The following KDM4B variants were observed in gnomAD, a reference collection of about 807,000 sequenced individuals.
KDM4B encodes the protein lysine demethylase 4B, also known as lysine-specific demethylase 4B.
A neutral mutation model predicts 125.2 loss-of-function variants in KDM4B; 32 were observed. The observed-to-expected ratio is 0.26, with a 90% CI of 0.19 to 0.34. The LOEUF (loss-of-function observed/expected upper bound fraction) is 0.34, where lower values mean the gene tolerates loss of function less well. KDM4B is among the 10% of genes least tolerant of loss of function. KDM4B has a pLI of 1.00. For missense variants in KDM4B, 1,190 were observed against 1,577.7 expected, an observed-to-expected ratio of 0.75 and a Z score of 4.16; for synonymous variants, 721 against 677.9, an observed-to-expected ratio of 1.06 and a Z score of -0.99.
At chr19:5,099,301 C>T (rs2038886728) in intron 9 of KDM4B, among the ~76,000 whole-genome samples, 1 of 152,172 alleles carries the variant, frequency 6.6e-6, no homozygotes, top group Admixed American at 6.5e-5. Flanking sequence ...AACGAGAAGC[C>T]ATGTCTGTGT....
At chr19:5,036,837 TC>T (rs1284559581) in intron 3 of KDM4B, among the ~76,000 whole-genome samples, 1 of 152,250 alleles carries the variant, frequency 6.6e-6, no homozygotes, top group African/African-American at 2.4e-5. Context: ...TCTGTCCTCT[TC>T]CGCCCTGCGG....
chr19:4,970,692 C>T (rs1433501138), intron 1 of KDM4B, among the ~76,000 whole-genome samples: 1 of 145,312 alleles, frequency 6.9e-6, no homozygotes, highest in Admixed American at 6.9e-5. Context: ...TTATGAGCCA[C>T]CAGGAGGGTT....
chr19:4,976,498 G>A (rs778663179), intron 1 of KDM4B, among the ~76,000 whole-genome samples: 3 of 152,226 alleles, frequency 2.0e-5, no homozygotes, highest in African/African-American at 2.4e-5. Context: ...CCGTGTACTC[G>A]GCCCAAGGAG....
Position 5,151,447 on chromosome 19 carries a change from A to AG in KDM4B, c.3229dup (p.Asp1077GlyfsTer46). 1 of 1,547,160 alleles carries AG rather than the reference A, an allele frequency of 6.5e-7. No homozygotes were observed. The highest frequency in any genetic ancestry group is 8.7e-7 in the Non-Finnish European group (1 of 1,148,746). On this transcript the variant is annotated frameshift_variant, in exon 23 of 23. Transcript: ENST00000159111. LOFTEE classifies it high-confidence loss of function. ...GCCACGGAGGACTCCGGGCGGAGCC[A>AG]GGACTACGTGGCCTTCGTGGAGAGC...
intron 2 of KDM4B, among the ~76,000 whole-genome samples, chr19:5,031,716 A>C (rs966345031): frequency 1.4e-4 from 22 of 152,130 alleles, no homozygotes; most frequent in Admixed American, 1.4e-3. Flanking sequence ...AGGGTTCTGG[A>C]CACCAGTGCA....
intron 1 of KDM4B, among the ~76,000 whole-genome samples, chr19:5,008,693 C>G (rs150677664): frequency 1.3e-5 from 2 of 149,888 alleles, no homozygotes; most frequent in Non-Finnish European, 3.0e-5. Flanking sequence ...TGGGTTCAAG[C>G]GATTCTCCTG....
chr19:5,079,758 G>A (rs904199502), intron 8 of KDM4B, among the ~76,000 whole-genome samples: 3 of 152,174 alleles, frequency 2.0e-5, no homozygotes, highest in Non-Finnish European at 2.9e-5. Context: ...CTAGAGATGG[G>A]GTCTCACTCT....
At chr19:5,135,304 G>C (rs771945295) in intron 14 of KDM4B, 35 bp from the exon 15 acceptor site, 1 of 1,487,496 alleles carries the variant, frequency 6.7e-7, no homozygotes, top group South Asian at 1.1e-5. Context: ...CCCCACACAT[G>C]GCTCTGTCCC....
At chr19:5,146,134 C>T (rs1040279986) in intron 21 of KDM4B, among the ~76,000 whole-genome samples, 10 of 150,582 alleles carry the variant, frequency 6.6e-5, no homozygotes, top group African/African-American at 2.4e-4. Flanking sequence ...CGACCCCGCC[C>T]AGTCACCACT....
intron 2 of KDM4B, among the ~76,000 whole-genome samples, chr19:5,019,924 G>A (rs1261785719): frequency 7.0e-6 from 1 of 143,814 alleles, no homozygotes; most frequent in African/African-American, 2.6e-5. Context: ...GTGGATGTTG[G>A]TGTGGGTGTT....
chr19:4,975,949 T>TA (rs962406689), intron 1 of KDM4B, among the ~76,000 whole-genome samples: 33 of 141,726 alleles, frequency 2.3e-4, no homozygotes, highest in South Asian at 9.7e-4. Flanking sequence ...ATTCTAGCCT[T>TA]AAAAAAAAAA....
At chr19:5,062,395 G>A (rs2037631272) in intron 6 of KDM4B, among the ~76,000 whole-genome samples, 1 of 152,256 alleles carries the variant, frequency 6.6e-6, no homozygotes, top group African/African-American at 2.4e-5. Context: ...GCGACTACGT[G>A]ATGAGCTCTG....
At chr19:5,012,385 C>T (rs1246533396) in intron 1 of KDM4B, among the ~76,000 whole-genome samples, 2 of 152,234 alleles carry the variant, frequency 1.3e-5, no homozygotes, top group Non-Finnish European at 2.9e-5. Context: ...AATGACACTT[C>T]CCGCTTCATT....
chr19:5,014,839 CA>C (rs1175094486), intron 1 of KDM4B, among the ~76,000 whole-genome samples: 2 of 151,798 alleles, frequency 1.3e-5, no homozygotes, highest in African/African-American at 4.8e-5. Context: ...ACTAAAAATA[CA>C]AAAAATTAGC....
chr19:4,987,478 C>T (rs893039431), intron 1 of KDM4B, among the ~76,000 whole-genome samples: 7 of 146,656 alleles, frequency 4.8e-5, no homozygotes, highest in Admixed American at 1.4e-4. Context: ...TCTTCCCGGC[C>T]GGAGGGGGGT....
At chr19:5,050,420 C>G (rs1184426491) in intron 6 of KDM4B, among the ~76,000 whole-genome samples, 1 of 152,260 alleles carries the variant, frequency 6.6e-6, no homozygotes, top group Non-Finnish European at 1.5e-5. Context: ...CGCCAACTTC[C>G]CGCAGCCCCT....
intron 1 of KDM4B, among the ~76,000 whole-genome samples, chr19:4,983,555 C>G (rs2034722352): frequency 6.6e-6 from 1 of 152,206 alleles, no homozygotes; most frequent in African/African-American, 2.4e-5. Context: ...GTCCTGGGGG[C>G]CAAGGGGTCC....
intron 11 of KDM4B, among the ~76,000 whole-genome samples, chr19:5,127,745 C>T (rs2039473210): frequency 6.6e-6 from 1 of 152,176 alleles, no homozygotes; most frequent in Non-Finnish European, 1.5e-5. Flanking sequence ...TACAGTGTGG[C>T]CCTTGGTGAG....
chr19:5,114,104 G>A lies in KDM4B; in HGVS notation c.1115+3286G>A. 7.8e-7 allele frequency: 1 copy of A among 1,289,368 alleles called. No homozygotes were observed. Among genetic ancestry groups the A allele is most frequent in the Non-Finnish European group, 1.0e-6 (1 of 988,732 alleles). The allele number at this position is 1,289,368 out of a possible 1,614,324, so 79.9% of individuals were successfully genotyped here. A position where few individuals can be genotyped will look rare whatever the true frequency, so the allele number is the denominator to read the frequency against. On this transcript the variant is annotated intron_variant, in intron 10 of 22. Transcript: ENST00000159111. The surrounding 1 kb of genome is among the most constrained non-coding windows in gnomAD (Gnocchi z 5.8). ...CAGCCTCCCCACTCCCGGTGGCGCT[G>A]TGCGTTCTGGTGCCCTGCCTGAGCC...
Sources: allele counts gnomAD v4.1 joint callset (sites outside exome capture counted in the v4.1 genomes callset), GRCh38; gene constraint gnomAD v4.1.1; non-coding constraint Gnocchi (gnomAD v3.1); transcripts MANE v1.5; gene names NCBI Gene and HGNC (gene_info 2026-07-23, HGNC 2026-07-21).